The following CDC27 variants were observed in gnomAD, a reference collection of about 807,000 sequenced individuals.
CDC27 encodes cell division cycle 27.
In CDC27, 27 loss-of-function variants were observed where a neutral mutation model predicts 109.7. The observed-to-expected ratio is 0.25, with a 90% CI of 0.18 to 0.34. The LOEUF (loss-of-function observed/expected upper bound fraction) is 0.34. Ranked by LOEUF, CDC27 falls within the 10% of genes least tolerant of loss-of-function variation. The pLI is 1.00. For missense variants in CDC27, 579 were observed against 960.2 expected, an observed-to-expected ratio of 0.60 and a Z score of 5.25; for synonymous variants, 266 against 333.9, an observed-to-expected ratio of 0.80 and a Z score of 2.22.
intron 4 of CDC27, chr17:47,159,776 GC>G: frequency 4.7e-6 from 2 of 427,646 alleles, no homozygotes; most frequent in Admixed American, 3.1e-5. Flanking sequence ...CTTGAGAGAG[GC>G]CCCCAGGAAA....
intron 14 of CDC27, 54 bp downstream of exon 14, chr17:47,137,098 G>GT (rs1377310346): frequency 4.0e-6 from 4 of 1,009,000 alleles, no homozygotes; most frequent in Non-Finnish European, 5.5e-6. Flanking sequence ...AGAAAAATTA[G>GT]TAAGTACCAG....
chr17:47,133,104 T>TAC (rs1354867269), intron 14 of CDC27, among the ~76,000 whole-genome samples: 33 of 7,610 alleles, frequency 4.3e-3, no homozygotes, highest in African/African-American at 0.021. Flanking sequence ...CACACAAATA[T>TAC]ACATATATAT....
intron 9 of CDC27, among the ~76,000 whole-genome samples, chr17:47,151,433 C>T (rs2063147622): frequency 6.6e-6 from 1 of 152,148 alleles, no homozygotes; most frequent in Admixed American, 6.5e-5. Flanking sequence ...GAAATAGATT[C>T]ATTATTTGAA....
At position 47,187,946 on chromosome 17, in the gene CDC27, A is replaced by G. The variant is rs187807226; in HGVS notation, c.27+1200T>C. On this transcript the variant is annotated intron_variant, in intron 1 of 18. Transcript: ENST00000066544. ...TACAACTTACAGACAGGTAAATTTC[A>G]TAAGATATAATCTTACGTTTTATTA... Among the ~76,000 whole-genome samples, 5 of 152,284 alleles carry G rather than the reference A, an allele frequency of 3.3e-5. No homozygotes were observed. The East Asian group carries it at 9.6e-4, about 29-fold the overall frequency.
At chr17:47,133,446 GT>G (rs548608433) in intron 14 of CDC27, among the ~76,000 whole-genome samples, 3 of 121,594 alleles carry the variant, frequency 2.5e-5, no homozygotes, top group South Asian at 2.7e-4. Context: ...CTGTTTTTTT[GT>G]TTTTTTTTTG....
chr17:47,172,940 G>A (rs1156438357), intron 2 of CDC27, among the ~76,000 whole-genome samples: 1 of 152,140 alleles, frequency 6.6e-6, no homozygotes, highest in Non-Finnish European at 1.5e-5. Flanking sequence ...CTCAAAGTGT[G>A]GTCCTTGTAC....
intron 10 of CDC27, among the ~76,000 whole-genome samples, chr17:47,143,187 C>A (rs528982299): frequency 1.3e-5 from 2 of 152,094 alleles, no homozygotes; most frequent in South Asian, 4.1e-4. Flanking sequence ...TGGTCTCAAA[C>A]TCCTAAGCTC....
At chr17:47,151,351 T>C (rs1405144110) in intron 9 of CDC27, among the ~76,000 whole-genome samples, 1 of 152,230 alleles carries the variant, frequency 6.6e-6, no homozygotes, top group Non-Finnish European at 1.5e-5. Context: ...ATCTTCCTTT[T>C]AAAATGTTAG....
At chr17:47,163,890 C>T (rs2063566601) in intron 4 of CDC27, among the ~76,000 whole-genome samples, 1 of 152,130 alleles carries the variant, frequency 6.6e-6, no homozygotes, top group South Asian at 2.1e-4. Context: ...TCAGCCTCCC[C>T]AGTAGCTGGA....
chr17:47,139,019 G>T (rs1462217058), intron 12 of CDC27, 128 bp from the exon 13 acceptor site: 1 of 583,170 alleles, frequency 1.7e-6, no homozygotes, highest in East Asian at 3.0e-5. Flanking sequence ...ATGTGAATGA[G>T]TATTAACACA....
Position 47,122,458 on chromosome 17 carries a change from T to A in CDC27, c.2378A>T (p.Gln793Leu). Residue 793 changes from glutamine to leucine, a missense_variant, in exon 18 of 19, where the codon CAA becomes CTA. Transcript: ENST00000066544. ...YLPDDEEPIT[Q>L]EEQIMGTDES... is the part of the protein sequence containing the mutation. Reference sequence around the variant, plus strand: ...ATGATACTTACTGATCTGTTCTTCTTGGGTTATTGGCTCCTCATCATCTGG... The same window carrying A: ...ATGATACTTACTGATCTGTTCTTCTAGGGTTATTGGCTCCTCATCATCTGG... The A allele has an allele frequency of 6.2e-7, 1 of 1,602,972 alleles. No homozygotes were observed. The highest frequency in any genetic ancestry group is 8.5e-7 in the Non-Finnish European group (1 of 1,174,472).
intron 11 of CDC27, 70 bp from the exon 12 acceptor site, chr17:47,142,095 A>AT: frequency 8.0e-7 from 1 of 1,248,162 alleles, no homozygotes. Context: ...AGAAAAGGTA[A>AT]TTACAAACTA....
chr17:47,133,026 T>TATATATATATAC, intron 14 of CDC27, among the ~76,000 whole-genome samples: 1 of 32,364 alleles, frequency 3.1e-5, no homozygotes, highest in African/African-American at 1.1e-4. Context: ...TATATATATA[T>TATATATATATAC]ATACACACAC....
At chr17:47,140,616 T>C (rs549633420) in intron 12 of CDC27, among the ~76,000 whole-genome samples, 2 of 152,320 alleles carry the variant, frequency 1.3e-5, no homozygotes, top group African/African-American at 4.8e-5. Context: ...GTCACCACTA[T>C]AACTAGGGGA....
chr17:47,121,628 A>C lies in CDC27; in HGVS notation c.2393-611T>G, dbSNP rs184794510. ...CAGCTACTTTTAAAAATTTGTTTAG[A>C]GACAGGGTCTCACTGGCTAGTCGTG... On this transcript the variant is annotated intron_variant, in intron 18 of 18. Coordinates refer to ENST00000066544, the MANE Select transcript of CDC27 (RefSeq NM_001256.6). Among the ~76,000 whole-genome samples, 641 of 152,246 alleles carry C rather than the reference A, an allele frequency of 4.2e-3. 5 individuals are homozygous for C. Among genetic ancestry groups the C allele is most frequent in the Non-Finnish European group, 5.7e-3 (389 of 68,014 alleles).
At chr17:47,121,043 A>T in intron 18 of CDC27, 26 bp from the exon 19 acceptor site, 2 of 1,498,744 alleles carry the variant, frequency 1.3e-6, no homozygotes, top group South Asian at 2.3e-5. Flanking sequence ...AGAAGTCCAC[A>T]GTAAGTTTTC....
At chr17:47,164,042 G>T (rs1287616048) in intron 4 of CDC27, among the ~76,000 whole-genome samples, 1 of 152,142 alleles carries the variant, frequency 6.6e-6, no homozygotes, top group African/African-American at 2.4e-5. Context: ...GGGATTATAG[G>T]TGTGAGCCAC....
chr17:47,145,858 T>C (rs1283983987), intron 9 of CDC27, among the ~76,000 whole-genome samples: 1 of 151,788 alleles, frequency 6.6e-6, no homozygotes, highest in African/African-American at 2.4e-5. Flanking sequence ...GATCGTGCCA[T>C]TGCATTGCAG....
At chr17:47,188,346 C>CA (rs2064529512) in intron 1 of CDC27, among the ~76,000 whole-genome samples, 1 of 152,078 alleles carries the variant, frequency 6.6e-6, no homozygotes, top group Non-Finnish European at 1.5e-5. Context: ...ACTTAAAATC[C>CA]AATAGGGTTC....
Sources: allele counts gnomAD v4.1 joint callset (sites outside exome capture counted in the v4.1 genomes callset), GRCh38; gene constraint gnomAD v4.1.1; transcripts MANE v1.5; gene names NCBI Gene and HGNC (gene_info 2026-07-23, HGNC 2026-07-21).